Variants in CHST9 observed in about 807,000 individuals in gnomAD.
CHST9 encodes the protein GalNAc-4-sulfotransferase 2.
CHST9 carries 41 observed loss-of-function variants against 44.4 expected under a neutral mutation model. The observed-to-expected ratio is 0.92, with a 90% CI of 0.72 to 1.20. The LOEUF is 1.20. Ranked by LOEUF, CHST9 falls within the 50% of genes most tolerant of loss-of-function variation. The probability of loss-of-function intolerance (pLI) is 0.00; values close to 1 mark genes in which losing one functional copy is unlikely to be tolerated. For missense variants in CHST9, 504 were observed against 516.5 expected (o/e 0.98, Z 0.23); for synonymous variants, 171 against 178.4 (o/e 0.96, Z 0.33).
intron 3 of CHST9, among the ~76,000 whole-genome samples, chr18:27,033,314 C>A (rs891310193): frequency 6.6e-6 from 1 of 152,174 alleles, no homozygotes; most frequent in Non-Finnish European, 1.5e-5. Context: ...TCACCCAACC[C>A]AAATAATCAC....
At chr18:26,948,431 A>C (rs118105869) in intron 4 of CHST9, among the ~76,000 whole-genome samples, 1 of 152,210 alleles carries the variant, frequency 6.6e-6, no homozygotes, top group African/African-American at 2.4e-5. Context: ...TTTTTAAAAG[A>C]CCACTCAACT....
chr18:27,109,093 T>C (rs2058247191), intron 2 of CHST9, among the ~76,000 whole-genome samples: 1 of 152,180 alleles, frequency 6.6e-6, no homozygotes, highest in African/African-American at 2.4e-5. Flanking sequence ...TCTTGAGTTG[T>C]AACCAAAATT....
chr18:27,153,101 A>G (rs528472073), intron 1 of CHST9, among the ~76,000 whole-genome samples: 4 of 152,232 alleles, frequency 2.6e-5, no homozygotes, highest in African/African-American at 9.6e-5. Flanking sequence ...CTGCTCTAAT[A>G]TCCATTCTGC....
In CHST9 at chr18:26,907,848, C is replaced by T. The variant is rs183015155; in HGVS notation, c.*8411G>A. 20 of 174,954 alleles carry T rather than the reference C, an allele frequency of 1.1e-4. No homozygotes were observed. In the South Asian group the frequency reaches 2.4e-3, roughly 21 times the overall value. 10.8% of individuals were successfully genotyped at this position (174,954 alleles called of 1,614,324 possible). A position where few individuals can be genotyped will look rare whatever the true frequency, so the allele number is the denominator to read the frequency against. ...CCTTGAAAAGAAAAAAATTCTGGTA[C>T]GTCCTTCAATATGGATGAACCTTGA... On this transcript the variant is annotated 3_prime_UTR_variant, in exon 6 of 6. Coordinates refer to ENST00000618847, the MANE Select transcript of CHST9 (RefSeq NM_031422.6).
intron 4 of CHST9, among the ~76,000 whole-genome samples, chr18:26,961,168 T>C (rs2056393547): frequency 6.6e-6 from 1 of 152,220 alleles, no homozygotes; most frequent in Non-Finnish European, 1.5e-5. Context: ...ATTTCCTTTC[T>C]GGTTTCTGCT....
chr18:27,113,343 C>T (rs2058290800), intron 2 of CHST9, among the ~76,000 whole-genome samples: 1 of 152,078 alleles, frequency 6.6e-6, no homozygotes, highest in Non-Finnish European at 1.5e-5. Flanking sequence ...CAGCTGGTAT[C>T]CCACTTAACT....
intron 4 of CHST9, among the ~76,000 whole-genome samples, chr18:27,019,386 T>C (rs2057193487): frequency 6.6e-6 from 1 of 152,172 alleles, no homozygotes; most frequent in Non-Finnish European, 1.5e-5. Context: ...ATCCTTTTGC[T>C]GGTACATAAA....
rs755677504 is a variant in CHST9, at chr18:27,142,691, G to A, written c.119C>T (p.Thr40Ile). 2.5e-6 allele frequency: 4 copies of A among 1,601,420 alleles called. No individual in the cohort carries two copies. The highest frequency in any genetic ancestry group is 1.1e-5 in the South Asian group (1 of 87,230). ...YLQVWIEEQH[T>I]GRVEKRREQK... ...AGAAGAAAAAGCACATGTGTTACCT[G>A]TATGTTGTTCTTCAATCCAGACTTG... The change falls in exon 2 of 6, where the codon ACA (threonine) becomes ATA (isoleucine). Residue 40 changes from threonine to isoleucine, a missense_variant and splice_region_variant. By Grantham distance (89) the Thr-to-Ile change is moderately conservative (BLOSUM62 -1). Transcript: ENST00000618847.
intron 4 of CHST9, among the ~76,000 whole-genome samples, chr18:26,982,930 T>C (rs963328103): frequency 2.6e-5 from 4 of 152,106 alleles, no homozygotes; most frequent in African/African-American, 9.7e-5. Context: ...GTGGCAGATA[T>C]TGACAAGCAG....
chr18:27,148,720 A>G (rs201526635), intron 1 of CHST9, among the ~76,000 whole-genome samples: 21,876 of 113,528 alleles, frequency 0.19, 2,540 homozygotes, highest in Middle Eastern at 0.3. Flanking sequence ...ATAAACATAC[A>G]TGTGCATGTG....
At chr18:27,092,621 G>T (rs2058080139) in intron 2 of CHST9, among the ~76,000 whole-genome samples, 1 of 152,114 alleles carries the variant, frequency 6.6e-6, no homozygotes, top group South Asian at 2.1e-4. Context: ...CTTTAAATGT[G>T]TCCCAGAGAT....
chr18:27,034,791 C>T (rs1012934238), intron 3 of CHST9, among the ~76,000 whole-genome samples: 1 of 152,200 alleles, frequency 6.6e-6, no homozygotes, highest in Admixed American at 6.5e-5. Flanking sequence ...TGCCTGTCTA[C>T]AACTCCTCAG....
intron 2 of CHST9, among the ~76,000 whole-genome samples, chr18:27,086,357 T>A (rs2058012554): frequency 1.3e-5 from 2 of 152,240 alleles, no homozygotes; most frequent in Non-Finnish European, 2.9e-5. Context: ...AAAAATTTGG[T>A]GAGTTGGCCT....
chr18:26,919,308 G>T (rs2055601208), intron 5 of CHST9, among the ~76,000 whole-genome samples: 1 of 152,124 alleles, frequency 6.6e-6, no homozygotes, highest in African/African-American at 2.4e-5. Flanking sequence ...CCATTTGTCT[G>T]CTGTCTTCTC....
At chr18:26,987,305 T>C (rs1483623552) in intron 4 of CHST9, among the ~76,000 whole-genome samples, 1 of 152,208 alleles carries the variant, frequency 6.6e-6, no homozygotes, top group Non-Finnish European at 1.5e-5. Flanking sequence ...CTCTCTGCCA[T>C]GCTTTGCAGC....
chr18:27,168,354 G>A (rs1326288603), intron 1 of CHST9, among the ~76,000 whole-genome samples: 4 of 152,132 alleles, frequency 2.6e-5, no homozygotes, highest in African/African-American at 7.2e-5. Flanking sequence ...GATTACAAGC[G>A]TGAGCCACCG....
intron 2 of CHST9, among the ~76,000 whole-genome samples, chr18:27,089,983 T>G (rs1006104875): frequency 2.6e-5 from 4 of 151,948 alleles, no homozygotes; most frequent in Non-Finnish European, 5.9e-5. Context: ...GCTAATTTTT[T>G]TGTGTTTTTA....
intron 2 of CHST9, among the ~76,000 whole-genome samples, chr18:27,060,852 C>T (rs1202459098): frequency 1.3e-5 from 2 of 152,174 alleles, no homozygotes; most frequent in Non-Finnish European, 2.9e-5. Context: ...AACTCAAATT[C>T]CTGGGCTCAA....
rs180796142 is a variant in CHST9, at chr18:27,035,598, A to G, written c.161-11441T>C. Reference sequence around the variant, plus strand: ...AATGCATTATATATAATGCATACATAATGGAATATTATATAGCCTCAAAAA... The same window carrying G: ...AATGCATTATATATAATGCATACATGATGGAATATTATATAGCCTCAAAAA... On this transcript the variant is annotated intron_variant, in intron 3 of 5. Transcript: ENST00000618847. Among the ~76,000 whole-genome samples, 283 of 152,202 alleles carry G rather than the reference A, an allele frequency of 1.9e-3. 1 individual carries two copies. Among genetic ancestry groups the G allele is most frequent in the Admixed American group, 0.017 (264 of 15,270 alleles).
Sources: gnomAD v4.1 joint callset for allele counts (sites outside exome capture counted in the v4.1 genomes callset) on GRCh38, gnomAD v4.1.1 for gene constraint, MANE v1.5 for transcripts, NCBI Gene and HGNC (gene_info 2026-07-23, HGNC 2026-07-21) for gene names.